Variants in GABRB3 observed in about 807,000 individuals in gnomAD.
GABRB3 encodes the protein gamma-aminobutyric acid type A receptor subunit beta3, also known as gamma-aminobutyric acid receptor subunit beta-3.
GABRB3 carries 14 observed loss-of-function variants against 52.1 expected under a neutral mutation model. That is an observed-to-expected ratio of 0.27 (90% confidence interval 0.18 to 0.42). GABRB3 has a LOEUF of 0.42. Ranked by LOEUF, GABRB3 falls within the 10% of genes least tolerant of loss-of-function variation. The pLI is 1.00. For missense variants in GABRB3, 307 were observed against 609.1 expected (o/e 0.50, Z 5.22); for synonymous variants, 260 against 232.3 (o/e 1.12, Z -1.08).
intron 4 of GABRB3, among the ~76,000 whole-genome samples, chr15:26,590,754 T>C (rs7172993): frequency 0.27 from 41,114 of 152,164 alleles, 7,290 homozygotes; most frequent in East Asian, 0.79. Context: ...TTGTGGTAAG[T>C]TGACTATGTT....
intron 4 of GABRB3, among the ~76,000 whole-genome samples, chr15:26,609,144 G>A (rs4906682): frequency 0.5 from 74,634 of 150,200 alleles, 19,520 homozygotes; most frequent in Middle Eastern, 0.59. Flanking sequence ...ACAATGGAAT[G>A]CTACTCAGTA....
intron 7 of GABRB3, 67 bp from the exon 8 acceptor site, chr15:26,561,243 T>A (rs1889974097): frequency 6.2e-7 from 1 of 1,603,476 alleles, no homozygotes; most frequent in Non-Finnish European, 8.5e-7. Context: ...TTCACTTTCC[T>A]TTTATGTTTT....
chr15:26,643,602 G>A (rs183212294), intron 3 of GABRB3, among the ~76,000 whole-genome samples: 27 of 147,768 alleles, frequency 1.8e-4, no homozygotes, highest in African/African-American at 6.6e-4. Context: ...GAACCAACAT[G>A]CACCCCAGCT....
At chr15:26,583,001 C>A (rs577139596) in intron 5 of GABRB3, among the ~76,000 whole-genome samples, 9 of 152,078 alleles carry the variant, frequency 5.9e-5, no homozygotes, top group Non-Finnish European at 1.0e-4. Context: ...CTCTGACCGC[C>A]CAGGGTCCCA....
chr15:26,634,034 G>A (rs1332535676), intron 3 of GABRB3, among the ~76,000 whole-genome samples: 1 of 152,148 alleles, frequency 6.6e-6, no homozygotes, highest in Admixed American at 6.5e-5. Context: ...CATTCCCTTT[G>A]CAGCCTCCTT....
At chr15:26,698,484 A>C (rs575343229) in intron 3 of GABRB3, among the ~76,000 whole-genome samples, 1 of 152,360 alleles carries the variant, frequency 6.6e-6, no homozygotes, top group Admixed American at 6.5e-5. Context: ...CTGCAAACAT[A>C]AACAACATTG....
chr15:26,657,494 A>G (rs1418195435), intron 3 of GABRB3, among the ~76,000 whole-genome samples: 2 of 152,216 alleles, frequency 1.3e-5, no homozygotes, highest in Non-Finnish European at 2.9e-5. Context: ...TAGCCACCCA[A>G]TATGCTCAAG....
intron 7 of GABRB3, among the ~76,000 whole-genome samples, chr15:26,566,911 C>A (rs1315285529): frequency 2.6e-5 from 4 of 152,184 alleles, no homozygotes; most frequent in Non-Finnish European, 4.4e-5. Flanking sequence ...TTGCAGATTG[C>A]ATCAGCTCTG....
intron 3 of GABRB3, among the ~76,000 whole-genome samples, chr15:26,707,321 A>G (rs1452792905): frequency 6.6e-6 from 1 of 152,202 alleles, no homozygotes; most frequent in East Asian, 1.9e-4. Context: ...GGGGATGGAG[A>G]GCAAGACCAG....
At chr15:26,561,653 G>C (rs1200495870) in intron 7 of GABRB3, among the ~76,000 whole-genome samples, 1 of 152,256 alleles carries the variant, frequency 6.6e-6, no homozygotes, top group Admixed American at 6.5e-5. Context: ...CGAGAGCTCA[G>C]TGAGGCAGCC....
chr15:26,608,925 T>C (rs1891944821), intron 4 of GABRB3, among the ~76,000 whole-genome samples: 1 of 152,124 alleles, frequency 6.6e-6, no homozygotes, highest in Non-Finnish European at 1.5e-5. Flanking sequence ...TACCATATGC[T>C]ACAGCAATCC....
intron 3 of GABRB3, among the ~76,000 whole-genome samples, chr15:26,754,015 T>A (rs1233795469): frequency 1.3e-5 from 2 of 152,188 alleles, no homozygotes; most frequent in African/African-American, 4.8e-5. Context: ...AGACATTTTG[T>A]CATCAGAGAC....
intron 6 of GABRB3, among the ~76,000 whole-genome samples, chr15:26,575,732 T>C (rs1224474843): frequency 6.6e-6 from 1 of 152,206 alleles, no homozygotes; most frequent in African/African-American, 2.4e-5. Context: ...AAACTGATTT[T>C]TGAAAAAAAG....
Position 26,689,526 on chromosome 15 carries a change from C to T in GABRB3, c.241-67992G>A, listed in dbSNP as rs1424053947. On this transcript the variant is annotated intron_variant, in intron 3 of 8. Coordinates refer to ENST00000311550, the MANE Select transcript of GABRB3 (RefSeq NM_000814.6). ...AATATTTATGCAAGGAGAAACATTA[C>T]ACTTCATGCCTCATTACACGTCATG... 7.9e-5 allele frequency among the ~76,000 whole-genome samples: 12 copies of T among 152,232 alleles called. No homozygotes were observed. The East Asian group carries it at 1.7e-3, about 22-fold the overall frequency.
chr15:26,568,097 G>C (rs961265685), intron 6 of GABRB3, among the ~76,000 whole-genome samples: 8 of 152,186 alleles, frequency 5.3e-5, no homozygotes, highest in African/African-American at 1.9e-4. Flanking sequence ...GTGGCTCAAG[G>C]CTTTACTGGG....
intron 3 of GABRB3, among the ~76,000 whole-genome samples, chr15:26,725,740 T>G (rs1363765745): frequency 6.6e-6 from 1 of 152,218 alleles, no homozygotes; most frequent in African/African-American, 2.4e-5. Flanking sequence ...GACCCAAGTC[T>G]AAGCATGAAA....
At chr15:26,588,016 TTTTTG>T (rs945303343) in intron 4 of GABRB3, among the ~76,000 whole-genome samples, 1 of 152,148 alleles carries the variant, frequency 6.6e-6, no homozygotes, top group Non-Finnish European at 1.5e-5. Flanking sequence ...GATTGTTTAT[TTTTTG>T]TTTTATGATT....
chr15:26,589,419 T>C (rs1229639263), intron 4 of GABRB3, among the ~76,000 whole-genome samples: 2 of 152,166 alleles, frequency 1.3e-5, no homozygotes, highest in East Asian at 3.9e-4. Flanking sequence ...TTAGAGTGAA[T>C]CCAGCAATGC....
intron 3 of GABRB3, among the ~76,000 whole-genome samples, chr15:26,660,751 C>T (rs1887516013): frequency 6.6e-6 from 1 of 152,172 alleles, no homozygotes; most frequent in Admixed American, 6.5e-5. Context: ...GCTAGGTACA[C>T]CACAAAGATC....
Sources: gnomAD v4.1 joint callset for allele counts (sites outside exome capture counted in the v4.1 genomes callset) on GRCh38, gnomAD v4.1.1 for gene constraint, MANE v1.5 for transcripts, NCBI Gene and HGNC (gene_info 2026-07-23, HGNC 2026-07-21) for gene names.